The following THRB variants were observed in gnomAD, a reference collection of about 807,000 sequenced individuals.
THRB encodes the protein nuclear receptor subfamily 1 group A member 2.
In THRB, 12 loss-of-function variants were observed where a neutral mutation model predicts 47.8. The observed-to-expected ratio is 0.25, with a 90% confidence interval of 0.16 to 0.41. The LOEUF is 0.41. Ranked by LOEUF, THRB falls within the 10% of genes least tolerant of loss-of-function variation. The pLI is 1.00. For missense variants in THRB, 348 were observed against 589.2 expected, an observed-to-expected ratio of 0.59 and a Z score of 4.24; for synonymous variants, 218 against 212.2, an observed-to-expected ratio of 1.03 and a Z score of -0.24.
At chr3:24,163,363 C>G (rs751979281) in intron 5 of THRB, among the ~76,000 whole-genome samples, 1 of 152,034 alleles carries the variant, frequency 6.6e-6, no homozygotes, top group South Asian at 2.1e-4. Context: ...GTTCATGCAT[C>G]AAATTAATTA....
chr3:24,308,060 T>C (rs937471853), intron 2 of THRB, among the ~76,000 whole-genome samples: 1 of 152,140 alleles, frequency 6.6e-6, no homozygotes, highest in African/African-American at 2.4e-5. Flanking sequence ...GTCAGAAAGG[T>C]TGGGGAAGGG....
intron 1 of THRB, among the ~76,000 whole-genome samples, chr3:24,386,593 A>G (rs1397858015): frequency 1.3e-5 from 2 of 152,046 alleles, no homozygotes; most frequent in Admixed American, 6.6e-5. Context: ...CATATCTCCC[A>G]TATTTCCTCA....
At chr3:24,316,402 G>T (rs959754182) in intron 2 of THRB, among the ~76,000 whole-genome samples, 2 of 148,318 alleles carry the variant, frequency 1.3e-5, no homozygotes, top group African/African-American at 5.0e-5. Context: ...CTTCTCCCTC[G>T]GTTCCTTCCT....
At chr3:24,359,725 A>G (rs2063938937) in intron 1 of THRB, among the ~76,000 whole-genome samples, 1 of 152,110 alleles carries the variant, frequency 6.6e-6, no homozygotes, top group Non-Finnish European at 1.5e-5. Flanking sequence ...TTAAAAACAC[A>G]TTTTCAGTTG....
chr3:24,483,430 T>G (rs1419303832), intron 1 of THRB, among the ~76,000 whole-genome samples: 9 of 152,148 alleles, frequency 5.9e-5, no homozygotes, highest in Non-Finnish European at 5.9e-5. Flanking sequence ...TCAGTACCTC[T>G]GTCAACATAC....
intron 1 of THRB, among the ~76,000 whole-genome samples, chr3:24,409,542 C>T (rs2150158855): frequency 6.6e-6 from 1 of 151,872 alleles, no homozygotes; most frequent in South Asian, 2.1e-4. Flanking sequence ...CCCTCAGTTT[C>T]CTTAGCTGTA....
At chr3:24,203,457 C>A (rs1421590190) in intron 4 of THRB, among the ~76,000 whole-genome samples, 1 of 152,176 alleles carries the variant, frequency 6.6e-6, no homozygotes, top group Non-Finnish European at 1.5e-5. Flanking sequence ...AGGGTTGTCT[C>A]ATTTCACCCA....
chr3:24,291,773 C>T (rs1381911558), intron 3 of THRB, among the ~76,000 whole-genome samples: 2 of 152,102 alleles, frequency 1.3e-5, no homozygotes, highest in African/African-American at 2.4e-5. Context: ...GGCTCTTTTG[C>T]ACATTGTCAA....
At chr3:24,176,051 C>T (rs914798235) in intron 5 of THRB, among the ~76,000 whole-genome samples, 1 of 152,070 alleles carries the variant, frequency 6.6e-6, no homozygotes, top group Non-Finnish European at 1.5e-5. Flanking sequence ...ATTCTAAGAT[C>T]ACTTCAATGA....
chr3:24,286,862 G>A (rs955345639), intron 3 of THRB, among the ~76,000 whole-genome samples: 9 of 152,082 alleles, frequency 5.9e-5, no homozygotes, highest in African/African-American at 1.2e-4. Flanking sequence ...TTTTCTCACC[G>A]TTAGCCTGGG....
chr3:24,179,331 AG>A (rs2041599943), intron 5 of THRB, among the ~76,000 whole-genome samples: 1 of 152,222 alleles, frequency 6.6e-6, no homozygotes, highest in African/African-American at 2.4e-5. Flanking sequence ...TAATTTCCTT[AG>A]TTTTAGCAGG....
intron 1 of THRB, among the ~76,000 whole-genome samples, chr3:24,350,272 G>C (rs554158280): frequency 8.9e-4 from 135 of 152,144 alleles, no homozygotes; most frequent in African/African-American, 3.2e-3. Flanking sequence ...TGTTGGTGAA[G>C]TATAATCATT....
intron 1 of THRB, among the ~76,000 whole-genome samples, chr3:24,481,257 T>TTTTTA (rs1696366030): frequency 2.3e-5 from 3 of 131,614 alleles, no homozygotes; most frequent in African/African-American, 8.5e-5. Flanking sequence ...TTTTTTTTTT[T>TTTTTA]ACGGAAAAAG....
chr3:24,350,879 A>G (rs556387200), intron 1 of THRB, among the ~76,000 whole-genome samples: 1 of 152,274 alleles, frequency 6.6e-6, no homozygotes, highest in East Asian at 1.9e-4. Flanking sequence ...AGCATTCATA[A>G]GAATACAAAC....
intron 5 of THRB, among the ~76,000 whole-genome samples, chr3:24,155,092 C>G (rs1575457988): frequency 6.6e-6 from 1 of 152,124 alleles, no homozygotes; most frequent in African/African-American, 2.4e-5. Context: ...GCATTGGCAG[C>G]CAGACACTGA....
chr3:24,367,605 T>C (rs1447084481), intron 1 of THRB, among the ~76,000 whole-genome samples: 1 of 152,130 alleles, frequency 6.6e-6, no homozygotes, highest in African/African-American at 2.4e-5. Context: ...GTTCCTGTTT[T>C]CAAAAATGGA....
At chr3:24,394,726 C>T (rs112737078) in intron 1 of THRB, among the ~76,000 whole-genome samples, 226 of 152,228 alleles carry the variant, frequency 1.5e-3, no homozygotes, top group African/African-American at 4.7e-3. Flanking sequence ...AGGTCACACA[C>T]TGTAGTTTAA....
At chr3:24,261,715 C>T (rs914816819) in intron 3 of THRB, among the ~76,000 whole-genome samples, 9 of 152,112 alleles carry the variant, frequency 5.9e-5, no homozygotes, top group African/African-American at 2.2e-4. Context: ...CCATGAGGCT[C>T]ATATTGCCAA....
Position 24,263,247 on chromosome 3 carries a change from C to T in THRB, c.-43+33979G>A, listed in dbSNP as rs114501076. Among the ~76,000 whole-genome samples, 880 of 152,226 alleles carry T rather than the reference C, an allele frequency of 5.8e-3. 13 individuals carry two copies. The highest frequency in any genetic ancestry group is 0.02 in the African/African-American group (826 of 41,546). ...TCCTTTCCTGTTCTTTTTCACCCAACAGCTGCCATGTACCGAATGTGTATG... is the reference window on the plus strand; with the variant it reads ...TCCTTTCCTGTTCTTTTTCACCCAATAGCTGCCATGTACCGAATGTGTATG... On this transcript the variant is annotated intron_variant, in intron 3 of 10. Coordinates refer to ENST00000646209, the MANE Select transcript of THRB (RefSeq NM_001354712.2).
Sources: gnomAD v4.1 joint callset for allele counts (sites outside exome capture counted in the v4.1 genomes callset) on GRCh38, gnomAD v4.1.1 for gene constraint, MANE v1.5 for transcripts, NCBI Gene and HGNC (gene_info 2026-07-23, HGNC 2026-07-21) for gene names.